Variants in FUT8 observed in about 807,000 individuals in gnomAD.
The protein encoded by FUT8 is fucosyltransferase 8, also known as alpha-(1,6)-fucosyltransferase.
A neutral mutation model predicts 71.3 loss-of-function variants in FUT8; 29 were observed. That is an observed-to-expected ratio of 0.41 (90% CI 0.30 to 0.55). The LOEUF (loss-of-function observed/expected upper bound fraction) is 0.55. Ranked by LOEUF, FUT8 falls within the 20% of genes least tolerant of loss-of-function variation. The probability of loss-of-function intolerance (pLI) is 0.34; values close to 1 mark genes in which losing one functional copy is unlikely to be tolerated. For synonymous variants in FUT8, 254 were observed against 239.3 expected, an observed-to-expected ratio of 1.06 and a Z score of -0.57; for missense variants, 544 against 702.1, an observed-to-expected ratio of 0.77 and a Z score of 2.55.
At chr14:65,470,811 G>A (rs1027938044) in intron 2 of FUT8, among the ~76,000 whole-genome samples, 3 of 151,930 alleles carry the variant, frequency 2.0e-5, no homozygotes, top group African/African-American at 7.3e-5. Flanking sequence ...CCTGCCTCAG[G>A]CCCCTGAAGC....
intron 6 of FUT8, chr14:65,636,548 AC>A (rs1381381319): frequency 1.3e-5 from 2 of 152,070 alleles, no homozygotes; most frequent in African/African-American, 2.4e-5. Context: ...ATTTGTCGTT[AC>A]TGTCATTCAG....
chr14:65,692,131 C>T (rs574744130), intron 7 of FUT8, among the ~76,000 whole-genome samples: 6 of 149,256 alleles, frequency 4.0e-5, no homozygotes, highest in Admixed American at 2.7e-4. Flanking sequence ...CCTCCCAGAC[C>T]GGGTGGTGGC....
chr14:65,499,817 C>CAAAA (rs201429546), intron 2 of FUT8, among the ~76,000 whole-genome samples: 1 of 119,424 alleles, frequency 8.4e-6, no homozygotes, highest in Non-Finnish European at 1.8e-5. Flanking sequence ...GACCCTGTCT[C>CAAAA]AAAAAAAAAA....
intron 9 of FUT8, among the ~76,000 whole-genome samples, chr14:65,728,838 A>G (rs1433126891): frequency 1.3e-5 from 2 of 152,160 alleles, no homozygotes; most frequent in African/African-American, 4.8e-5. Flanking sequence ...TGGCTATGCC[A>G]TCTAGGTTTT....
intron 7 of FUT8, among the ~76,000 whole-genome samples, chr14:65,683,011 C>T (rs997085015): frequency 4.1e-5 from 6 of 147,404 alleles, no homozygotes; most frequent in African/African-American, 1.5e-4. Flanking sequence ...ACAGTAATTG[C>T]AATTTTTTTT....
chr14:65,599,384 A>T (rs1888180446), intron 3 of FUT8, among the ~76,000 whole-genome samples: 1 of 152,192 alleles, frequency 6.6e-6, no homozygotes, highest in Non-Finnish European at 1.5e-5. Flanking sequence ...AGCATTTCTT[A>T]AAAATTGAAG....
At chr14:65,420,715 G>C (rs992128349) in intron 1 of FUT8, among the ~76,000 whole-genome samples, 2 of 151,946 alleles carry the variant, frequency 1.3e-5, no homozygotes, top group African/African-American at 4.8e-5. Context: ...ACAGCACTGG[G>C]TTTGGGGCAC....
intron 2 of FUT8, among the ~76,000 whole-genome samples, chr14:65,520,269 G>A (rs944537794): frequency 3.9e-5 from 6 of 151,948 alleles, no homozygotes; most frequent in Non-Finnish European, 8.8e-5. Flanking sequence ...AAGTTTTTTT[G>A]TATACTTATA....
Position 65,743,965 on chromosome 14 carries a change from C to G in FUT8, c.*1555C>G, listed in dbSNP as rs1294407411. 1 of 151,830 alleles carries G rather than the reference C, an allele frequency of 6.6e-6. No homozygotes were observed. The highest frequency in any genetic ancestry group is 1.5e-5 in the Non-Finnish European group (1 of 67,856). 9.4% of individuals were successfully genotyped at this position (151,830 alleles called of 1,614,324 possible). On this transcript the variant is annotated 3_prime_UTR_variant, in exon 11 of 11. Transcript: ENST00000673929. ...ATTAGTCCTGGCCTTCATATCTTCA[C>G]CAAATGAAAATACTGTATATAAAAT... is the stretch of plus-strand genomic sequence containing the variant.
chr14:65,420,136 C>T (rs553997427), intron 1 of FUT8, among the ~76,000 whole-genome samples: 1 of 151,920 alleles, frequency 6.6e-6, no homozygotes, highest in South Asian at 2.1e-4. Context: ...GGAATAGTTC[C>T]TCTTAATAAT....
At chr14:65,733,490 G>A in intron 10 of FUT8, 109 bp downstream of exon 10, 2 of 777,922 alleles carry the variant, frequency 2.6e-6, no homozygotes, top group Non-Finnish European at 3.9e-6. Context: ...TTGTGACTCA[G>A]GTGCAATTTT....
At chr14:65,712,161 GA>G (rs1408032750) in intron 7 of FUT8, among the ~76,000 whole-genome samples, 1 of 152,110 alleles carries the variant, frequency 6.6e-6, no homozygotes, top group Non-Finnish European at 1.5e-5. Flanking sequence ...TTATGGTAGT[GA>G]AATATTTCTG....
intron 2 of FUT8, among the ~76,000 whole-genome samples, chr14:65,519,182 G>A (rs1309461990): frequency 1.3e-5 from 2 of 152,088 alleles, no homozygotes; most frequent in Admixed American, 6.5e-5. Flanking sequence ...GAAGTGGAAC[G>A]TGTCCCATCG....
intron 3 of FUT8, among the ~76,000 whole-genome samples, chr14:65,582,015 T>A (rs564797410): frequency 4.6e-5 from 7 of 152,188 alleles, no homozygotes; most frequent in African/African-American, 1.7e-4. Flanking sequence ...AGAATCTTGT[T>A]GCTATAACTG....
chr14:65,393,988 C>G, the FUT8 span, among the ~76,000 whole-genome samples: 1 of 152,030 alleles, frequency 6.6e-6, no homozygotes. Flanking sequence ...CGGAGTTTTG[C>G]TCTTGTTGTC....
intron 10 of FUT8, among the ~76,000 whole-genome samples, chr14:65,740,865 C>T (rs1193494288): frequency 6.6e-6 from 1 of 151,980 alleles, no homozygotes; most frequent in African/African-American, 2.4e-5. Flanking sequence ...AAATCTAAAC[C>T]ATATCACCAT....
chr14:65,516,345 T>C (rs901749854), intron 2 of FUT8: 4 of 152,146 alleles, frequency 2.6e-5, no homozygotes, highest in African/African-American at 9.7e-5. Flanking sequence ...AAAACTTAGT[T>C]GAAAATCAGG....
intron 3 of FUT8, among the ~76,000 whole-genome samples, chr14:65,590,094 G>T (rs1887609847): frequency 6.6e-6 from 1 of 152,118 alleles, no homozygotes; most frequent in African/African-American, 2.4e-5. Context: ...CCATCTGTTG[G>T]AGTAATTTCC....
the FUT8 span, among the ~76,000 whole-genome samples, chr14:65,358,009 G>A: frequency 6.6e-6 from 1 of 152,026 alleles, no homozygotes; most frequent in Non-Finnish European, 1.5e-5. Flanking sequence ...GAAGCAGAGA[G>A]TAGAATAGTG....
Sources: gnomAD v4.1 joint callset for allele counts (sites outside exome capture counted in the v4.1 genomes callset) on GRCh38, gnomAD v4.1.1 for gene constraint, MANE v1.5 for transcripts, NCBI Gene and HGNC (gene_info 2026-07-23, HGNC 2026-07-21) for gene names.